RNF213: variants seen among roughly 807,000 people sequenced by gnomAD.
RNF213 encodes the protein ring finger protein 213.
In RNF213, 341 loss-of-function variants were observed where a neutral mutation model predicts 514.4. The ratio of observed to expected loss-of-function variants is 0.66; its 90% CI spans 0.61 to 0.73. The LOEUF (loss-of-function observed/expected upper bound fraction) is 0.73, where lower values mean the gene tolerates loss of function less well. Ranked by LOEUF, RNF213 falls within the 30% of genes least tolerant of loss-of-function variation. The pLI, the probability that RNF213 is intolerant of heterozygous loss-of-function variation, is 0.00. For missense variants in RNF213, 5,767 were observed against 6,615.6 expected (o/e 0.87, Z 4.45); for synonymous variants, 2,655 against 2,658.2 (o/e 1.00, Z 0.04).
At chr17:80,330,518 C>T (rs1402687739) in intron 20 of RNF213, among the ~76,000 whole-genome samples, 1 of 152,292 alleles carries the variant, frequency 6.6e-6, no homozygotes, top group South Asian at 2.1e-4. Context: ...GCATCCCGTG[C>T]GTGGTCCTCC....
chr17:80,298,663 C>A, intron 11 of RNF213, 145 bp downstream of exon 11: 1 of 896,194 alleles, frequency 1.1e-6, no homozygotes, highest in Non-Finnish European at 1.8e-6. Flanking sequence ...CATTTTAAGA[C>A]ATCAAAACTG....
intron 13 of RNF213, among the ~76,000 whole-genome samples, chr17:80,307,814 T>A (rs2045421775): frequency 1.3e-5 from 2 of 151,020 alleles, no homozygotes; most frequent in African/African-American, 2.4e-5. Context: ...CCTCCCAAAG[T>A]GCTGGGATTA....
intron 3 of RNF213, among the ~76,000 whole-genome samples, chr17:80,283,340 G>A (rs1193721771): frequency 2.6e-5 from 4 of 152,216 alleles, no homozygotes; most frequent in Non-Finnish European, 5.9e-5. Flanking sequence ...CCCTGCAGGT[G>A]TGATGATGTC....
intron 22 of RNF213, 153 bp downstream of exon 22, chr17:80,334,423 G>C: frequency 1.3e-6 from 1 of 771,714 alleles, no homozygotes; most frequent in Non-Finnish European, 2.0e-6. Context: ...AGGGAGATGG[G>C]CACTGATCAT....
At chr17:80,370,935 C>T (rs2079493594) in intron 46 of RNF213, among the ~76,000 whole-genome samples, 1 of 152,096 alleles carries the variant, frequency 6.6e-6, no homozygotes, top group South Asian at 2.1e-4. Context: ...CTTATATTCT[C>T]CACTATGAGC....
intron 21 of RNF213, 28 bp from the exon 22 acceptor site, chr17:80,334,072 AGTTCC>A (rs1317588735): frequency 6.5e-7 from 1 of 1,536,896 alleles, no homozygotes. Flanking sequence ...CTGGTTAATG[AGTTCC>A]AGTCCACAGT....
In RNF213 at chr17:80,345,409, G is replaced by C; in HGVS notation, c.7074G>C (p.Arg2358Ser). 1.2e-6 allele frequency: 2 copies of C among 1,613,904 alleles called. No individual in the cohort carries two copies. Among genetic ancestry groups the C allele is most frequent in the South Asian group, 2.2e-5 (2 of 91,074 alleles). ...RDLYQGLLLQ[R>S]VPFNVDFDKL... Reference sequence around the variant, plus strand: ...TGTACCAGGGCCTGCTGCTCCAGAGGGTGCCCTTCAATGTCGACTTTGATA... The same window carrying C: ...TGTACCAGGGCCTGCTGCTCCAGAGCGTGCCCTTCAATGTCGACTTTGATA... Residue 2358 changes from arginine to serine, a missense_variant, in exon 29 of 68, where the codon AGG (arginine) becomes AGC (serine). Physicochemically the swap from Arg to Ser is moderately radical, Grantham distance 110. This residue lies in a region of RNF213 where 1,377 missense variants were observed against 1,635.2 expected (regional missense o/e 0.84). Coordinates refer to ENST00000582970, the MANE Select transcript of RNF213 (RefSeq NM_001256071.3). The surrounding 1 kb of genome is among the most constrained non-coding windows in gnomAD (Gnocchi z 6.0).
chr17:80,298,220 C>A, intron 10 of RNF213, 101 bp from the exon 11 acceptor site: 2 of 1,232,854 alleles, frequency 1.6e-6, no homozygotes, highest in Non-Finnish European at 2.3e-6. Flanking sequence ...GCTCCTCTTG[C>A]TCTGTGTGCA....
At chr17:80,349,235 G>T (rs1355329101) in intron 29 of RNF213, among the ~76,000 whole-genome samples, 1 of 152,178 alleles carries the variant, frequency 6.6e-6, no homozygotes, top group Non-Finnish European at 1.5e-5. Context: ...CCGGGGACAG[G>T]TTTCTATGCA....
Position 80,288,772 on chromosome 17 carries a change from C to T in RNF213, c.933+17C>T, listed in dbSNP as rs755608314. On this transcript the variant is annotated intron_variant, in intron 5 of 67. Transcript: ENST00000582970. The surrounding 1 kb of genome is among the most constrained non-coding windows in gnomAD (Gnocchi z 4.9). ...CACTGCCAGGTGCGTCTCCTTCCTG[C>T]CTGCCGGCTCCAGGAGGCCCTCTCC... 6.2e-6 allele frequency: 10 copies of T among 1,613,994 alleles called. No individual in the cohort carries two copies. Among genetic ancestry groups the T allele is most frequent in the Non-Finnish European group, 8.5e-7 (1 of 1,180,050 alleles).
chr17:80,286,229 G>A (rs1246914182), intron 3 of RNF213, among the ~76,000 whole-genome samples: 4 of 152,018 alleles, frequency 2.6e-5, no homozygotes, highest in Non-Finnish European at 4.4e-5. Context: ...GACGCAGGCC[G>A]AGCGGGAGGC....
chr17:80,309,284 G>A (rs12945169), intron 14 of RNF213, 113 bp downstream of exon 14: 201,746 of 1,290,524 alleles, frequency 0.16, 17,382 homozygotes, highest in Non-Finnish European at 0.18. Context: ...GAGATGGAGC[G>A]GTGGTTTCAG....
At chr17:80,364,632 C>A in intron 42 of RNF213, 79 bp downstream of exon 42, 1 of 1,575,286 alleles carries the variant, frequency 6.3e-7, no homozygotes, top group Non-Finnish European at 8.7e-7. Flanking sequence ...CAGTGATCTG[C>A]GGCTGGGAGA....
In RNF213 at chr17:80,288,896, C is replaced by CA. The variant is rs1446268176; in HGVS notation, c.933+142dup. 8 of 1,429,882 alleles carry CA rather than the reference C, an allele frequency of 5.6e-6. No individual in the cohort carries two copies. In the Admixed American group the frequency reaches 1.2e-4, roughly 21 times the overall value. 88.6% of individuals were successfully genotyped at this position (1,429,882 alleles called of 1,614,324 possible). A position where few individuals can be genotyped will look rare whatever the true frequency, so the allele number is the denominator to read the frequency against. ...ACAAAGCTCTGGCCTTCGGGGTGCT[C>CA]ACATTCCAGCGGAGAGAGAGTCAGG... On this transcript the variant is annotated intron_variant, in intron 5 of 67. Transcript: ENST00000582970. The surrounding 1 kb of genome is among the most constrained non-coding windows in gnomAD (Gnocchi z 4.9).
At chr17:80,383,649 A>G (rs2080111929) in intron 58 of RNF213, 28 bp from the exon 59 acceptor site, 1 of 1,613,056 alleles carries the variant, frequency 6.2e-7, no homozygotes, top group Admixed American at 1.7e-5. Context: ...TCACTTCCAG[A>G]ATTTTTTTTT....
rs377488728 is a variant in RNF213, at chr17:80,347,271, T to C, written c.8936T>C (p.Ile2979Thr). 1.1e-4 allele frequency: 176 copies of C among 1,613,772 alleles called. No homozygotes were observed. The highest frequency in any genetic ancestry group is 1.3e-4 in the Non-Finnish European group (154 of 1,179,936). ...AATAGAAAGCCTTCCCCGCAAGACA[T>C]TGCACAGGCTGTCCTTAGGAACTTC... ...ASNRKPSPQD[I>T]AQAVLRNFSG... Residue 2979 changes from isoleucine (I) to threonine (T), a missense_variant, in exon 29 of 68, where the codon ATT (isoleucine) becomes ACT (threonine). Physicochemically the swap from Ile to Thr is moderately conservative, Grantham distance 89. Around this residue, in one of 13 missense-constraint regions of RNF213, gnomAD observed 919 missense variants for 1,121.0 expected, o/e 0.82. Transcript: ENST00000582970. This position sits in a 1 kb window ranked among gnomAD's most constrained non-coding sequence, Gnocchi z 7.2.
chr17:80,263,721 A>AC lies in RNF213; in HGVS notation c.45dup (p.Lys16GlnfsTer20), dbSNP rs1435628149. 9.9e-6 allele frequency: 16 copies of AC among 1,613,806 alleles called. No individual in the cohort carries two copies. Among genetic ancestry groups the AC allele is most frequent in the Non-Finnish European group, 1.4e-5 (16 of 1,179,994 alleles). The stretch of plus-strand genomic sequence containing the variant: ...GTGCCAGCATGTCTCCAAGGAGGAA[A>AC]CCCCCAAGTTCTGCAGCCAGTGCGG... On this transcript the variant is annotated frameshift_variant, in exon 2 of 68. Transcript: ENST00000582970. LOFTEE classifies it high-confidence loss of function. The surrounding 1 kb of genome is among the most constrained non-coding windows in gnomAD (Gnocchi z 4.9).
chr17:80,381,585 A>T lies in RNF213; in HGVS notation c.13836A>T (p.Pro4612=). The change falls in exon 57 of 68, where the codon CCA becomes CCT. Residue 4612 remains proline, a synonymous_variant. Transcript: ENST00000582970. ...INIIKPPVRD[P]KGFLQQHILK... is the part of the protein sequence containing the mutation. ...TCATTAAGCCTCCAGTGAGGGATCC[A>T]AAAGGCTTTCTGCAGCAGCACATCC... The T allele has an allele frequency of 6.2e-7, 1 of 1,614,198 alleles. No homozygotes were observed. The highest frequency in any genetic ancestry group is 1.1e-5 in the South Asian group (1 of 91,088).
intron 29 of RNF213, among the ~76,000 whole-genome samples, chr17:80,349,520 C>T (rs763192482): frequency 5.3e-5 from 8 of 152,150 alleles, no homozygotes; most frequent in Non-Finnish European, 1.0e-4. Context: ...ACACGGGCCT[C>T]TGGGGAGGAG....
Sources: gnomAD v4.1 joint callset for allele counts (sites outside exome capture counted in the v4.1 genomes callset) on GRCh38, gnomAD v4.1.1 for gene constraint, gnomAD v4.1.1 regional missense constraint, Gnocchi (gnomAD v3.1) non-coding constraint, MANE v1.5 for transcripts, NCBI Gene and HGNC (gene_info 2026-07-23, HGNC 2026-07-21) for gene names.